The following KCTD16 variants were observed in gnomAD, a reference collection of about 807,000 sequenced individuals.
KCTD16 encodes potassium channel tetramerization domain containing 16.
In KCTD16, 13 loss-of-function variants were observed where a neutral mutation model predicts 33.2. The ratio of observed to expected loss-of-function variants is 0.39; its 90% CI spans 0.25 to 0.62. The LOEUF is 0.62. Among genes scored for constraint, KCTD16 ranks in the 20% least tolerant of loss-of-function variants. KCTD16 has a pLI of 0.50. For synonymous variants in KCTD16, 197 were observed against 195.3 expected (o/e 1.01, Z -0.07); for missense variants, 441 against 525.1 (o/e 0.84, Z 1.57).
At chr5:144,438,559 TA>T (rs1030655729) in intron 3 of KCTD16, among the ~76,000 whole-genome samples, 1 of 152,178 alleles carries the variant, frequency 6.6e-6, no homozygotes, top group African/African-American at 2.4e-5. Flanking sequence ...TCAATTCTAA[TA>T]AGCCTAGCTT....
intron 3 of KCTD16, among the ~76,000 whole-genome samples, chr5:144,261,098 A>G (rs999946460): frequency 3.3e-5 from 5 of 150,666 alleles, no homozygotes; most frequent in African/African-American, 1.2e-4. Context: ...AGATTTGAGT[A>G]TCACTGATAC....
chr5:144,288,407 T>G (rs1029804220), intron 3 of KCTD16, among the ~76,000 whole-genome samples: 2 of 152,134 alleles, frequency 1.3e-5, no homozygotes, highest in African/African-American at 4.8e-5. Flanking sequence ...GAGCATTGCT[T>G]GGCACCCTGG....
At chr5:144,249,317 C>T (rs753132830) in intron 3 of KCTD16, among the ~76,000 whole-genome samples, 7 of 152,134 alleles carry the variant, frequency 4.6e-5, no homozygotes, top group Non-Finnish European at 1.0e-4. Flanking sequence ...CATGTGTTCA[C>T]TCCTTAGAAT....
intron 3 of KCTD16, among the ~76,000 whole-genome samples, chr5:144,323,745 A>G (rs1752134152): frequency 1.3e-5 from 2 of 152,178 alleles, no homozygotes; most frequent in Admixed American, 6.6e-5. Context: ...CAGCCACCAC[A>G]TATAGAAAGA....
chr5:144,355,173 C>CTAAT (rs1489328292), intron 3 of KCTD16, among the ~76,000 whole-genome samples: 3 of 152,056 alleles, frequency 2.0e-5, no homozygotes, highest in Non-Finnish European at 1.5e-5. Context: ...GCCCTCCAGT[C>CTAAT]ATTATACAGA....
At chr5:144,275,676 T>TA (rs1278029956) in intron 3 of KCTD16, among the ~76,000 whole-genome samples, 7 of 152,154 alleles carry the variant, frequency 4.6e-5, no homozygotes. Context: ...TAAAAATAAA[T>TA]ACGTGCCATT....
intron 3 of KCTD16, among the ~76,000 whole-genome samples, chr5:144,341,373 G>A (rs371306545): frequency 1.3e-5 from 2 of 152,062 alleles, no homozygotes; most frequent in African/African-American, 2.4e-5. Flanking sequence ...ATATATATGC[G>A]GGGGATTTCT....
At chr5:144,344,502 T>A (rs1330115480) in intron 3 of KCTD16, among the ~76,000 whole-genome samples, 3 of 151,308 alleles carry the variant, frequency 2.0e-5, no homozygotes, top group Non-Finnish European at 2.9e-5. Flanking sequence ...TTCAACAAAT[T>A]TACAAGAAAA....
intron 3 of KCTD16, among the ~76,000 whole-genome samples, chr5:144,242,379 C>G (rs1455721305): frequency 6.6e-6 from 1 of 151,996 alleles, no homozygotes; most frequent in East Asian, 1.9e-4. Flanking sequence ...ATAAATAACA[C>G]AAACCATAGA....
chr5:144,428,488 C>T (rs1231915178), intron 3 of KCTD16, among the ~76,000 whole-genome samples: 1 of 152,154 alleles, frequency 6.6e-6, no homozygotes, highest in Non-Finnish European at 1.5e-5. Context: ...TCATCCATCA[C>T]AAGACCTTTA....
At chr5:144,229,207 G>T (rs1327172570) in intron 3 of KCTD16, among the ~76,000 whole-genome samples, 1 of 152,190 alleles carries the variant, frequency 6.6e-6, no homozygotes, top group Non-Finnish European at 1.5e-5. Context: ...CAAGGTGTAT[G>T]CAAGAGAATT....
chr5:144,356,159 A>G (rs189100160), intron 3 of KCTD16, among the ~76,000 whole-genome samples: 1 of 152,250 alleles, frequency 6.6e-6, no homozygotes, highest in Admixed American at 6.5e-5. Flanking sequence ...CGACGGTCTC[A>G]CTCAATGAAA....
intron 3 of KCTD16, among the ~76,000 whole-genome samples, chr5:144,322,151 T>C (rs895995842): frequency 6.6e-5 from 10 of 152,060 alleles, no homozygotes; most frequent in African/African-American, 2.4e-4. Flanking sequence ...TGAGTAGCCA[T>C]AAAATCATAG....
At chr5:144,210,698 C>T (rs895163827) in intron 3 of KCTD16, among the ~76,000 whole-genome samples, 8 of 152,050 alleles carry the variant, frequency 5.3e-5, no homozygotes, top group Admixed American at 2.0e-4. Context: ...CACTTAGGAA[C>T]CAAATGACAG....
At chr5:144,380,268 G>A (rs2126930521) in intron 3 of KCTD16, among the ~76,000 whole-genome samples, 1 of 151,912 alleles carries the variant, frequency 6.6e-6, no homozygotes, top group Non-Finnish European at 1.5e-5. Flanking sequence ...AAATACCTAG[G>A]AATACAGCTT....
At chr5:144,456,557 C>G (rs1754067952) in intron 3 of KCTD16, among the ~76,000 whole-genome samples, 1 of 152,172 alleles carries the variant, frequency 6.6e-6, no homozygotes, top group African/African-American at 2.4e-5. Context: ...ATTTGAGTAT[C>G]AGACTTCTGC....
At chr5:144,458,599 A>G (rs1754124897) in intron 3 of KCTD16, among the ~76,000 whole-genome samples, 1 of 152,194 alleles carries the variant, frequency 6.6e-6, no homozygotes, top group Admixed American at 6.5e-5. Flanking sequence ...TCAGTTTACT[A>G]TTTGCTTACT....
At chr5:144,193,780 A>G (rs748073422) in intron 2 of KCTD16, among the ~76,000 whole-genome samples, 20 of 152,164 alleles carry the variant, frequency 1.3e-4, no homozygotes, top group Non-Finnish European at 2.5e-4. Context: ...GAACAAAGGT[A>G]CGACAAATGG....
At chr5:144,281,118 G>A (rs1755596468) in intron 3 of KCTD16, among the ~76,000 whole-genome samples, 1 of 152,248 alleles carries the variant, frequency 6.6e-6, no homozygotes, top group Non-Finnish European at 1.5e-5. Flanking sequence ...GCAGGCGGAG[G>A]TTGCAGTGAG....
Sources: gnomAD v4.1 joint callset for allele counts (sites outside exome capture counted in the v4.1 genomes callset) on GRCh38, gnomAD v4.1.1 for gene constraint, MANE v1.5 for transcripts, NCBI Gene and HGNC (gene_info 2026-07-23, HGNC 2026-07-21) for gene names.